PKNOX1: variants seen among roughly 807,000 people sequenced by gnomAD.
The protein encoded by PKNOX1 is homeobox protein PKNOX1.
In PKNOX1, 15 loss-of-function variants were observed where a neutral mutation model predicts 51.9. The ratio of observed to expected loss-of-function variants is 0.29; its 90% CI spans 0.19 to 0.45. The LOEUF (loss-of-function observed/expected upper bound fraction) is 0.45. Among genes scored for constraint, PKNOX1 ranks in the 20% least tolerant of loss-of-function variants. The pLI is 1.00. For synonymous variants in PKNOX1, 219 were observed against 211.1 expected, an observed-to-expected ratio of 1.04 and a Z score of -0.32; for missense variants, 462 against 547.5, an observed-to-expected ratio of 0.84 and a Z score of 1.56.
chr21:43,030,117 C>T lies in PKNOX1; in HGVS notation c.*16C>T, dbSNP rs746123836. 2.6e-6 allele frequency: 4 copies of T among 1,554,540 alleles called. No homozygotes were observed. The highest frequency in any genetic ancestry group is 1.2e-5 in the South Asian group (1 of 85,708). On this transcript the variant is annotated 3_prime_UTR_variant, in exon 11 of 11. Transcript: ENST00000291547. The stretch of plus-strand genomic sequence containing the variant: ...CCTGCAGTAGGGGCAGGAGCAGACG[C>T]ACCTGACTTTTTGGAGTTTGCACAG...
chr21:42,987,919 C>G (rs2059063894), intron 1 of PKNOX1, among the ~76,000 whole-genome samples: 1 of 151,252 alleles, frequency 6.6e-6, no homozygotes, highest in Non-Finnish European at 1.5e-5. Context: ...CACCCGGCCT[C>G]TACATTTTTA....
chr21:43,007,604 G>C lies in PKNOX1; in HGVS notation c.165G>C (p.Lys55Asn). The C allele has an allele frequency of 6.2e-7, 1 of 1,614,190 alleles. No homozygotes were observed. Among genetic ancestry groups the C allele is most frequent in the Non-Finnish European group, 8.5e-7 (1 of 1,180,022 alleles). ...CTCAGACCCCGATGGATGTGGACAAGCAGGCCATTTATAGGTAGTGCCCGG... is the reference window on the plus strand; with the variant it reads ...CTCAGACCCCGATGGATGTGGACAACCAGGCCATTTATAGGTAGTGCCCGG... Reference protein sequence around the residue: ...VESQTPMDVDKQAIYRHPLFP... With the variant: ...VESQTPMDVDNQAIYRHPLFP... Residue 55 changes from lysine (K) to asparagine (N), a missense_variant, in exon 3 of 11, where the codon AAG becomes AAC. Lys to Asn is a moderately conservative substitution (Grantham distance 94). This residue lies in a region of PKNOX1 where 129 missense variants were observed against 133.4 expected (regional missense o/e 0.97). Transcript: ENST00000291547.
intron 1 of PKNOX1, among the ~76,000 whole-genome samples, chr21:42,986,320 G>A (rs148817634): frequency 2.6e-5 from 4 of 152,162 alleles, no homozygotes; most frequent in African/African-American, 9.6e-5. Flanking sequence ...GGCCAAGGTG[G>A]TGAAACTCCA....
At chr21:43,029,186 C>T (rs894190015) in intron 10 of PKNOX1, among the ~76,000 whole-genome samples, 5 of 152,136 alleles carry the variant, frequency 3.3e-5, no homozygotes, top group Non-Finnish European at 7.4e-5. Flanking sequence ...TCTCCTTTTC[C>T]CTCCGACGCC....
chr21:43,017,618 C>T (rs2146282082), intron 6 of PKNOX1: 1 of 152,928 alleles, frequency 6.5e-6, no homozygotes, highest in Admixed American at 6.5e-5. Context: ...TTATTTAGTA[C>T]CCTTGGCCAA....
At chr21:42,984,721 C>T (rs2059042940) in intron 1 of PKNOX1, among the ~76,000 whole-genome samples, 1 of 151,914 alleles carries the variant, frequency 6.6e-6, no homozygotes, top group Non-Finnish European at 1.5e-5. Context: ...TACGGCCATG[C>T]TCTATGTTGT....
chr21:43,008,503 C>A (rs755387834), intron 3 of PKNOX1, among the ~76,000 whole-genome samples: 1 of 152,222 alleles, frequency 6.6e-6, no homozygotes, highest in African/African-American at 2.4e-5. Context: ...GTCTGCCAGG[C>A]GCAGTGGCTC....
intron 7 of PKNOX1, among the ~76,000 whole-genome samples, chr21:43,019,623 A>G (rs1417322340): frequency 1.4e-5 from 2 of 143,278 alleles, no homozygotes; most frequent in Non-Finnish European, 1.5e-5. Flanking sequence ...GCTCACTGCA[A>G]CCTCCACCTC....
At chr21:43,008,504 G>A (rs774883730) in intron 3 of PKNOX1, among the ~76,000 whole-genome samples, 9 of 152,206 alleles carry the variant, frequency 5.9e-5, no homozygotes, top group Non-Finnish European at 1.0e-4. Context: ...TCTGCCAGGC[G>A]CAGTGGCTCA....
At chr21:43,019,284 C>T (rs541562035) in intron 7 of PKNOX1, among the ~76,000 whole-genome samples, 2 of 147,980 alleles carry the variant, frequency 1.4e-5, no homozygotes, top group African/African-American at 2.5e-5. Context: ...CCCAGCTGCT[C>T]GGGAGGCTGA....
chr21:42,997,634 G>A (rs1395921192), intron 1 of PKNOX1, among the ~76,000 whole-genome samples: 2 of 152,222 alleles, frequency 1.3e-5, no homozygotes, highest in African/African-American at 4.8e-5. Flanking sequence ...TAGTCCAAAT[G>A]AACAACTGAA....
At chr21:43,029,484 A>G (rs1160872598) in intron 10 of PKNOX1, among the ~76,000 whole-genome samples, 9 of 127,408 alleles carry the variant, frequency 7.1e-5, no homozygotes, top group South Asian at 2.6e-4. Context: ...CTGGAGTGCA[A>G]TGGCGCAATC....
intron 1 of PKNOX1, among the ~76,000 whole-genome samples, chr21:42,988,401 A>T (rs2059067511): frequency 6.6e-6 from 1 of 152,164 alleles, no homozygotes; most frequent in Admixed American, 6.5e-5. Context: ...TCTAAATGGA[A>T]TCAAATAGCA....
intron 1 of PKNOX1, among the ~76,000 whole-genome samples, chr21:42,997,043 G>A (rs962682390): frequency 6.6e-6 from 1 of 152,002 alleles, no homozygotes; most frequent in African/African-American, 2.4e-5. Flanking sequence ...ACCATGCCCA[G>A]CTCATTTTTG....
chr21:43,018,726 G>A (rs9983463), intron 7 of PKNOX1, among the ~76,000 whole-genome samples: 1 of 151,792 alleles, frequency 6.6e-6, no homozygotes, highest in Non-Finnish European at 1.5e-5. Context: ...CCAGGCTGGA[G>A]TGCAGTGGCG....
At chr21:42,990,126 A>G (rs2059078859) in intron 1 of PKNOX1, among the ~76,000 whole-genome samples, 2 of 151,460 alleles carry the variant, frequency 1.3e-5, no homozygotes, top group African/African-American at 4.9e-5. Flanking sequence ...TAATAAGCGG[A>G]CACAGTGTGC....
intron 1 of PKNOX1, among the ~76,000 whole-genome samples, chr21:42,984,034 C>T (rs2059039371): frequency 6.6e-6 from 1 of 151,940 alleles, no homozygotes; most frequent in African/African-American, 2.4e-5. Context: ...AGTCCTTTGC[C>T]CCTTTTTGAA....
chr21:42,989,824 CATG>C (rs1261636763), intron 1 of PKNOX1, among the ~76,000 whole-genome samples: 1 of 152,158 alleles, frequency 6.6e-6, no homozygotes, highest in Admixed American at 6.5e-5. Context: ...CATGGGCAGG[CATG>C]GTGGCTCACA....
Position 43,021,546 on chromosome 21 carries a change from T to G in PKNOX1, c.849+115T>G. Reference sequence around the variant, plus strand: ...GGCTCAGAAAATCAAAGGCCTGACTTTCAGGACTTTGTGGCATGTCCATAA... The same window carrying G: ...GGCTCAGAAAATCAAAGGCCTGACTGTCAGGACTTTGTGGCATGTCCATAA... On this transcript the variant is annotated intron_variant, in intron 8 of 10. Coordinates refer to ENST00000291547, the MANE Select transcript of PKNOX1 (RefSeq NM_004571.5). The surrounding 1 kb of genome is among the most constrained non-coding windows in gnomAD (Gnocchi z 4.6). 3 of 1,242,424 alleles carry G rather than the reference T, an allele frequency of 2.4e-6. No individual in the cohort carries two copies. Among genetic ancestry groups the G allele is most frequent in the African/African-American group, 1.5e-5 (1 of 66,490 alleles). 77.0% of individuals were successfully genotyped at this position (1,242,424 alleles called of 1,614,324 possible).
Sources: allele counts gnomAD v4.1 joint callset (sites outside exome capture counted in the v4.1 genomes callset), GRCh38; gene constraint gnomAD v4.1.1; regional missense constraint gnomAD v4.1.1; non-coding constraint Gnocchi (gnomAD v3.1); transcripts MANE v1.5; gene names NCBI Gene and HGNC (gene_info 2026-07-23, HGNC 2026-07-21).